KIAA1217: variants seen among roughly 807,000 people sequenced by gnomAD.
KIAA1217 encodes the protein sickle tail protein homolog.
KIAA1217 carries 88 observed loss-of-function variants against 163.9 expected under a neutral mutation model. That is an observed-to-expected ratio of 0.54 (90% CI 0.45 to 0.64). The LOEUF is 0.64. Ranked by LOEUF, KIAA1217 falls within the 30% of genes least tolerant of loss-of-function variation. The pLI is 0.00. For missense variants in KIAA1217, 2,372 were observed against 2,475.0 expected (o/e 0.96, Z 0.88); for synonymous variants, 903 against 923.1 (o/e 0.98, Z 0.39).
chr10:24,475,111 C>T (rs1021931700), intron 6 of KIAA1217, among the ~76,000 whole-genome samples: 11 of 151,964 alleles, frequency 7.2e-5, no homozygotes, highest in Admixed American at 6.5e-5. Context: ...CTCAGCTACT[C>T]GGGAGGCTGA....
rs138305575 is a variant in KIAA1217, at chr10:24,282,712, T to C, written c.354+62803T>C. Among the ~76,000 whole-genome samples the C allele has an allele frequency of 1.3e-3, 202 of 152,078 alleles. 2 individuals are homozygous for C. Among genetic ancestry groups the C allele is most frequent in the African/African-American group, 4.4e-3 (181 of 41,502 alleles). The stretch of plus-strand genomic sequence containing the variant: ...GTTTTGTGGCTCTTCTTTATGGCAC[T>C]GAAAGATACTCCAGGCTCATCTTCT... On this transcript the variant is annotated intron_variant, in intron 2 of 20. Transcript: ENST00000376454.
chr10:24,503,188 C>T (rs1007205214), intron 9 of KIAA1217, among the ~76,000 whole-genome samples: 1 of 152,178 alleles, frequency 6.6e-6, no homozygotes, highest in Non-Finnish European at 1.5e-5. Context: ...AGAAAACACA[C>T]AGAAAGGCAG....
At chr10:24,250,557 G>C (rs2131493917) in intron 2 of KIAA1217, among the ~76,000 whole-genome samples, 4 of 150,192 alleles carry the variant, frequency 2.7e-5, no homozygotes, top group Admixed American at 1.3e-4. Flanking sequence ...TTCAGCCTCT[G>C]GAGTAACTGG....
intron 2 of KIAA1217, among the ~76,000 whole-genome samples, chr10:24,328,463 C>T (rs1044394606): frequency 6.7e-6 from 1 of 150,114 alleles, no homozygotes; most frequent in Non-Finnish European, 1.5e-5. Flanking sequence ...CAAATGTAAC[C>T]ATCTCAAGTT....
intron 8 of KIAA1217, 39 bp from the exon 9 acceptor site, chr10:24,501,340 T>G: frequency 6.3e-7 from 1 of 1,582,400 alleles, no homozygotes; most frequent in Non-Finnish European, 8.6e-7. Context: ...AGACTTTCCT[T>G]TGTGGCCTTC....
At chr10:24,057,986 T>G (rs1009413535) in intron 2 of KIAA1217, among the ~76,000 whole-genome samples, 1 of 152,244 alleles carries the variant, frequency 6.6e-6, no homozygotes, top group Non-Finnish European at 1.5e-5. Context: ...GAGGCCAATG[T>G]CATGAATCTT....
At chr10:24,323,095 A>G (rs1166412701) in intron 2 of KIAA1217, among the ~76,000 whole-genome samples, 1 of 149,618 alleles carries the variant, frequency 6.7e-6, no homozygotes, top group African/African-American at 2.4e-5. Flanking sequence ...GACTATAGGC[A>G]TGAACCACCA....
intron 2 of KIAA1217, among the ~76,000 whole-genome samples, chr10:24,371,001 C>T (rs1360153265): frequency 6.6e-6 from 1 of 152,152 alleles, no homozygotes; most frequent in African/African-American, 2.4e-5. Context: ...TTGGAACTTA[C>T]CGATGATCTA....
chr10:23,829,700 A>G (rs1838081820), intron 1 of KIAA1217, among the ~76,000 whole-genome samples: 2 of 152,164 alleles, frequency 1.3e-5, no homozygotes, highest in Admixed American at 6.6e-5. Flanking sequence ...CCTATTATTT[A>G]AACAATCCTC....
chr10:23,753,436 A>G (rs1205168359), intron 1 of KIAA1217, among the ~76,000 whole-genome samples: 1 of 152,216 alleles, frequency 6.6e-6, no homozygotes, highest in South Asian at 2.1e-4. Context: ...GAACATAGTC[A>G]ATCAAAAATC....
chr10:24,425,708 G>A lies in KIAA1217; in HGVS notation c.554-7287G>A, dbSNP rs78554969. On this transcript the variant is annotated intron_variant, in intron 3 of 20. Transcript: ENST00000376454. ...TCCTACAGTTGATACTTCATTGAGT[G>A]TCTAGGTAAGGATGTCATTGTGCCT... 2.8e-3 allele frequency among the ~76,000 whole-genome samples: 433 copies of A among 152,302 alleles called. 3 individuals carry two copies. Among genetic ancestry groups the A allele is most frequent in the African/African-American group, 9.6e-3 (401 of 41,570 alleles).
In KIAA1217 at chr10:23,849,056, A is replaced by ATG. The variant is rs773730159; in HGVS notation, c.-321+153824_-321+153825dup. Among the ~76,000 whole-genome samples, 35 of 152,112 alleles carry ATG rather than the reference A, an allele frequency of 2.3e-4. 1 individual carries two copies. Among genetic ancestry groups the ATG allele is most frequent in the South Asian group, 6.2e-4 (3 of 4,830 alleles). On this transcript the variant is annotated intron_variant, in intron 1 of 18. Coordinates refer to the KIAA1217 transcript ENST00000376462. The stretch of plus-strand genomic sequence containing the variant: ...AGGACAAAGAAAGTGCTCAGAGAGT[A>ATG]TGTTAGATGAAAGAATGGGGAAATA...
intron 1 of KIAA1217, among the ~76,000 whole-genome samples, chr10:23,798,977 A>G (rs115324535): frequency 2.0e-5 from 3 of 152,190 alleles, no homozygotes; most frequent in African/African-American, 4.8e-5. Context: ...CAAGATTGAG[A>G]TGTCAGCAGG....
intron 1 of KIAA1217, among the ~76,000 whole-genome samples, chr10:23,931,355 G>A (rs114345290): frequency 0.01 from 1,568 of 152,224 alleles, 28 homozygotes; most frequent in African/African-American, 0.036. Context: ...AGAATCTGGG[G>A]ACTTTGGTGT....
intron 2 of KIAA1217, among the ~76,000 whole-genome samples, chr10:24,178,734 G>T (rs2131942383): frequency 6.6e-6 from 1 of 152,304 alleles, no homozygotes; most frequent in South Asian, 2.1e-4. Context: ...TTAGAACTAA[G>T]TGGCTCTGTG....
intron 2 of KIAA1217, among the ~76,000 whole-genome samples, chr10:24,248,313 A>G (rs1202714165): frequency 1.3e-5 from 2 of 152,166 alleles, no homozygotes; most frequent in Non-Finnish European, 2.9e-5. Context: ...AAAGAATTAA[A>G]TTTATTGTAG....
At chr10:23,881,171 A>G (rs1840933935) in intron 1 of KIAA1217, among the ~76,000 whole-genome samples, 1 of 151,882 alleles carries the variant, frequency 6.6e-6, no homozygotes, top group Non-Finnish European at 1.5e-5. Context: ...TTTCGATGAA[A>G]GGTAAACACA....
chr10:24,099,307 T>C (rs1299874949), intron 2 of KIAA1217, among the ~76,000 whole-genome samples: 1 of 150,914 alleles, frequency 6.6e-6, no homozygotes, highest in Admixed American at 6.6e-5. Flanking sequence ...TTACATTAGT[T>C]ATTTCTCCTA....
intron 2 of KIAA1217, among the ~76,000 whole-genome samples, chr10:24,199,164 TG>T (rs1250009630): frequency 6.6e-6 from 1 of 152,190 alleles, no homozygotes. Flanking sequence ...TGGAGGAGTT[TG>T]GGGCTGCAGT....
Sources: gnomAD v4.1 joint callset for allele counts (sites outside exome capture counted in the v4.1 genomes callset) on GRCh38, gnomAD v4.1.1 for gene constraint, MANE v1.5 for transcripts, NCBI Gene and HGNC (gene_info 2026-07-23, HGNC 2026-07-21) for gene names.